The following AKR1C4 variants were observed in gnomAD, a reference collection of about 807,000 sequenced individuals.
The protein encoded by AKR1C4 is 3-alpha-HSD1.
Under a neutral mutation model 41.0 loss-of-function variants are expected in AKR1C4, and 44 were observed. That is an observed-to-expected ratio of 1.07 (90% CI 0.84 to 1.38). AKR1C4 has a LOEUF of 1.38. Ranked by LOEUF, AKR1C4 falls within the 40% of genes most tolerant of loss-of-function variation. The probability of loss-of-function intolerance (pLI) is 0.00; values close to 1 mark genes in which losing one functional copy is unlikely to be tolerated. For missense variants in AKR1C4, 438 were observed against 387.9 expected (o/e 1.13, Z -1.09); for synonymous variants, 165 against 137.7 (o/e 1.20, Z -1.39).
chr10:5,200,237 C>A lies in AKR1C4; in HGVS notation c.141C>A (p.Arg47=), dbSNP rs1832377313. The change falls in exon 2 of 9, where the codon CGC becomes CGA. Residue 47 remains arginine (R), a synonymous_variant. Transcript: ENST00000263126. ...VTKLAIEAGF[R]HIDSAYLYNN... ...AATTAGCAATAGAAGCTGGCTTCCG[C>A]CATATTGATTCTGCTTATTTATACA... 6.2e-7 allele frequency: 1 copy of A among 1,614,064 alleles called. No individual in the cohort carries two copies.
At chr10:5,211,011 T>C (rs1242126412) in intron 5 of AKR1C4, among the ~76,000 whole-genome samples, 1 of 152,236 alleles carries the variant, frequency 6.6e-6, no homozygotes, top group Non-Finnish European at 1.5e-5. Flanking sequence ...GCCTGAGCTG[T>C]ACCTTGGCCC....
intron 7 of AKR1C4, 103 bp from the exon 8 acceptor site, chr10:5,216,608 G>A (rs2050308): frequency 0.14 from 108,031 of 746,370 alleles, 8,875 homozygotes; most frequent in East Asian, 0.27. Context: ...AACTTATCAA[G>A]TATTTTACAT....
Position 5,218,699 on chromosome 10 carries a change from C to T in AKR1C4, c.930-19C>T, listed in dbSNP as rs1554798834. The T allele has an allele frequency of 8.3e-6, 13 of 1,566,466 alleles. No homozygotes were observed. The highest frequency in any genetic ancestry group is 1.7e-5 in the Admixed American group (1 of 59,888). On this transcript the variant is annotated intron_variant, in intron 8 of 8. Coordinates refer to ENST00000263126, the MANE Select transcript of AKR1C4 (RefSeq NM_001818.5). ...GAGTCATTTCATCCATATTTATGTA[C>T]TATCCTTTCTCTTTTCAGTCTTATG... is the stretch of plus-strand genomic sequence containing the variant.
At chr10:5,204,282 TG>T in intron 2 of AKR1C4, 94 bp from the exon 3 acceptor site, 1 of 972,942 alleles carries the variant, frequency 1.0e-6, no homozygotes, top group South Asian at 1.5e-5. Context: ...GTCATCTGTT[TG>T]GAACGGTGAA....
At chr10:5,202,138 ATTCT>A (rs782240117) in intron 2 of AKR1C4, among the ~76,000 whole-genome samples, 11 of 151,828 alleles carry the variant, frequency 7.2e-5, no homozygotes, top group South Asian at 2.1e-4. Context: ...TATACTATTG[ATTCT>A]TTCTATCCAT....
intron 4 of AKR1C4, 121 bp from the exon 5 acceptor site, chr10:5,206,154 A>G: frequency 1.3e-6 from 2 of 1,510,812 alleles, no homozygotes; most frequent in Non-Finnish European, 1.8e-6. Flanking sequence ...TTTTCTCTTG[A>G]GAATCACTGC....
chr10:5,198,882 G>A (rs1832353291), intron 1 of AKR1C4, among the ~76,000 whole-genome samples: 1 of 149,916 alleles, frequency 6.7e-6, no homozygotes, highest in African/African-American at 2.5e-5. Flanking sequence ...CCTGTCTGTG[G>A]TCCTAGCTAT....
chr10:5,199,089 T>G (rs1294826510), intron 1 of AKR1C4, among the ~76,000 whole-genome samples: 1 of 152,222 alleles, frequency 6.6e-6, no homozygotes, highest in Non-Finnish European at 1.5e-5. Flanking sequence ...TCTGAGGTTG[T>G]TGTTGGGAAA....
At position 5,200,253 on chromosome 10, in the gene AKR1C4, T is replaced by C; in HGVS notation, c.157T>C (p.Tyr53His). Residue 53 changes from tyrosine (Y) to histidine (H), a missense_variant, in exon 2 of 9, where the codon TAT becomes CAT. Tyr to His is a moderately conservative substitution (Grantham distance 83). Coordinates refer to ENST00000263126, the MANE Select transcript of AKR1C4 (RefSeq NM_001818.5). ...EAGFRHIDSA[Y>H]LYNNEEQVGL... ...TGGCTTCCGCCATATTGATTCTGCT[T>C]ATTTATACAATAATGAGGAGCAGGT... 1 of 1,614,210 alleles carries C rather than the reference T, an allele frequency of 6.2e-7. No homozygotes were observed. The highest frequency in any genetic ancestry group is 8.5e-7 in the Non-Finnish European group (1 of 1,180,002).
At chr10:5,215,539 C>T (rs1832643876) in intron 7 of AKR1C4, among the ~76,000 whole-genome samples, 1 of 152,154 alleles carries the variant, frequency 6.6e-6, no homozygotes, top group Non-Finnish European at 1.5e-5. Flanking sequence ...TGCACCCATA[C>T]CTGATCATAG....
chr10:5,198,508 C>G (rs1832347498), intron 1 of AKR1C4, among the ~76,000 whole-genome samples: 1 of 152,158 alleles, frequency 6.6e-6, no homozygotes, highest in African/African-American at 2.4e-5. Flanking sequence ...ATTTAACCAG[C>G]ACCCAGTTAA....
intron 7 of AKR1C4, among the ~76,000 whole-genome samples, chr10:5,213,792 A>T (rs1832613090): frequency 2.0e-5 from 3 of 152,172 alleles, no homozygotes; most frequent in Non-Finnish European, 2.9e-5. Context: ...GCAATGAGGC[A>T]GCTCTACAGA....
chr10:5,209,500 G>GAA (rs1178350166), intron 5 of AKR1C4, among the ~76,000 whole-genome samples: 1 of 151,556 alleles, frequency 6.6e-6, no homozygotes, highest in Non-Finnish European at 1.5e-5. Context: ...TCATTTCCTA[G>GAA]AAAAAAAATT....
intron 7 of AKR1C4, among the ~76,000 whole-genome samples, chr10:5,214,580 A>C (rs1468436542): frequency 6.6e-6 from 1 of 152,212 alleles, no homozygotes; most frequent in South Asian, 2.1e-4. Flanking sequence ...ATATTTTAAT[A>C]TGTGCTTCAA....
chr10:5,217,091 G>A (rs1335895194), intron 8 of AKR1C4, among the ~76,000 whole-genome samples: 2 of 152,252 alleles, frequency 1.3e-5, no homozygotes, highest in African/African-American at 4.8e-5. Context: ...TGGCATTTCT[G>A]CCGTGGCCTA....
In AKR1C4 at chr10:5,218,892, T is replaced by C. The variant is rs1450893402; in HGVS notation, c.*132T>C. The C allele has an allele frequency of 2.9e-6, 2 of 678,148 alleles. No homozygotes were observed. The highest frequency in any genetic ancestry group is 5.1e-6 in the Non-Finnish European group (2 of 394,520). The allele number at this position is 678,148 out of a possible 1,614,324, so 42.0% of individuals were successfully genotyped here. A position where few individuals can be genotyped will look rare whatever the true frequency, so the allele number is the denominator to read the frequency against. On this transcript the variant is annotated 3_prime_UTR_variant, in exon 9 of 9. Coordinates refer to ENST00000263126, the MANE Select transcript of AKR1C4 (RefSeq NM_001818.5). The stretch of plus-strand genomic sequence containing the variant: ...TCCCCTCCTGCTTGGCAACTTCAGC[T>C]AGCTAGATATATCCATGGTCCAGAA...
rs531344596 is a variant in AKR1C4 at position 5,216,797 on chromosome 10, AG to A, written c.929+5del. The A allele has an allele frequency of 4.6e-5, 74 of 1,599,666 alleles. No homozygotes were observed. In the East Asian group the frequency reaches 1.2e-3, roughly 26 times the overall value. On this transcript the variant is annotated splice_donor_5th_base_variant and intron_variant, in intron 8 of 8. Transcript: ENST00000263126. ...ATCGATATGTTGTCATGGATTTGTA[AG>A]TAACTTTGGAAAATGGGTTTCCCAG...
chr10:5,207,566 A>C, intron 5 of AKR1C4: 1 of 767,078 alleles, frequency 1.3e-6, no homozygotes, highest in South Asian at 1.4e-5. Flanking sequence ...AAGAAACTAG[A>C]CTTGAAGAAC....
intron 5 of AKR1C4, among the ~76,000 whole-genome samples, chr10:5,209,630 G>A (rs1400037076): frequency 7.9e-5 from 12 of 152,138 alleles, no homozygotes; most frequent in Non-Finnish European, 1.5e-4. Context: ...AGGCAAGGAG[G>A]AACAAGTCAC....
Sources: allele counts gnomAD v4.1 joint callset (sites outside exome capture counted in the v4.1 genomes callset), GRCh38; gene constraint gnomAD v4.1.1; transcripts MANE v1.5; gene names NCBI Gene and HGNC (gene_info 2026-07-23, HGNC 2026-07-21).